PRKCZ: variants seen among roughly 807,000 people sequenced by gnomAD.
PRKCZ encodes the protein protein kinase C zeta, also known as protein kinase C zeta type.
In PRKCZ, 33 loss-of-function variants were observed where a neutral mutation model predicts 79.5. The ratio of observed to expected loss-of-function variants is 0.41; its 90% CI spans 0.31 to 0.55. PRKCZ has a LOEUF of 0.55. Ranked by LOEUF, PRKCZ falls within the 20% of genes least tolerant of loss-of-function variation. The pLI, the probability that PRKCZ is intolerant of heterozygous loss-of-function variation, is 0.19. For missense variants in PRKCZ, 578 were observed against 813.5 expected (o/e 0.71, Z 3.52); for synonymous variants, 342 against 320.9 (o/e 1.07, Z -0.70).
intron 10 of PRKCZ, among the ~76,000 whole-genome samples, chr1:2,164,600 C>G (rs1006071442): frequency 5.3e-5 from 8 of 152,230 alleles, no homozygotes; most frequent in African/African-American, 1.9e-4. Flanking sequence ...CAGCTTAGAT[C>G]CAGAATGGAT....
chr1:2,134,728 C>T lies in PRKCZ; in HGVS notation c.335-534C>T, dbSNP rs1675813504. On this transcript the variant is annotated intron_variant, in intron 4 of 17. Transcript: ENST00000378567. ...GGGGCCTCGCGCCGCTTGCGTCTGGCGAGTTGTTGAAGTGAAGTCAGTGGC... is the reference window on the plus strand; with the variant it reads ...GGGGCCTCGCGCCGCTTGCGTCTGGTGAGTTGTTGAAGTGAAGTCAGTGGC... 1.3e-5 allele frequency: 2 copies of T among 152,266 alleles called. 1 individual carries two copies. The highest frequency in any genetic ancestry group is 2.9e-5 in the Non-Finnish European group (2 of 68,090). 9.4% of individuals were successfully genotyped at this position (152,266 alleles called of 1,614,324 possible).
chr1:2,156,393 G>T, intron 10 of PRKCZ: 1 of 298,964 alleles, frequency 3.3e-6, no homozygotes, highest in Non-Finnish European at 6.6e-6. Flanking sequence ...GGATTTCTGT[G>T]CTTATTAAAA....
chr1:2,115,898 A>C (rs1670660421), intron 4 of PRKCZ, among the ~76,000 whole-genome samples: 1 of 152,070 alleles, frequency 6.6e-6, no homozygotes, highest in Admixed American at 6.5e-5. Flanking sequence ...CTTTTTGTGG[A>C]GGCTTCGTGA....
intron 5 of PRKCZ, among the ~76,000 whole-genome samples, chr1:2,136,412 GAAGACCTGGAC>G (rs1676208175): frequency 2.0e-5 from 3 of 152,198 alleles, no homozygotes; most frequent in African/African-American, 7.2e-5. Context: ...TCAGCACTAG[GAAGACCTGGAC>G]ATTGCCTGGA....
In PRKCZ at chr1:2,172,986, C is replaced by T. The variant is rs571933953; in HGVS notation, c.1285+598C>T. On this transcript the variant is annotated intron_variant, in intron 13 of 17. Coordinates refer to ENST00000378567, the MANE Select transcript of PRKCZ (RefSeq NM_002744.6). The surrounding 1 kb of genome is among the most constrained non-coding windows in gnomAD (Gnocchi z 7.8). ...CGTGTGTGCGTGTGTGAAACGGGGACGTGGGCACGCGTGTGCAGCCCTGTG... is the reference window on the plus strand; with the variant it reads ...CGTGTGTGCGTGTGTGAAACGGGGATGTGGGCACGCGTGTGCAGCCCTGTG... Among the ~76,000 whole-genome samples the T allele has an allele frequency of 2.0e-3, 303 of 150,788 alleles. 1 individual carries two copies. Among genetic ancestry groups the T allele is most frequent in the South Asian group, 6.5e-3 (31 of 4,750 alleles).
intron 4 of PRKCZ, among the ~76,000 whole-genome samples, chr1:2,113,933 G>C (rs3107143): frequency 0.63 from 95,081 of 151,386 alleles, 29,976 homozygotes; most frequent in African/African-American, 0.69. Flanking sequence ...GAGGGCGGGG[G>C]CCCAGCCCAC....
At chr1:2,091,630 C>G (rs979334854) in intron 4 of PRKCZ, among the ~76,000 whole-genome samples, 14 of 152,154 alleles carry the variant, frequency 9.2e-5, no homozygotes, top group African/African-American at 3.4e-4. Flanking sequence ...GCCTCTCACG[C>G]CTGTGGCCGC....
chr1:2,061,080 A>G (rs1660631367), intron 4 of PRKCZ, among the ~76,000 whole-genome samples: 1 of 152,146 alleles, frequency 6.6e-6, no homozygotes, highest in Non-Finnish European at 1.5e-5. Flanking sequence ...CTGCTGCTTT[A>G]TAGGAGGGGA....
At position 2,105,824 on chromosome 1, in the gene PRKCZ, C is replaced by T. The variant is rs184540340; in HGVS notation, c.335-29438C>T. ...GCTGTGGGTGATGACCAGGTGATGC[C>T]GGGAAGGTCACTTTCAGACACATAG... On this transcript the variant is annotated intron_variant, in intron 4 of 17. Transcript: ENST00000378567. Among the ~76,000 whole-genome samples the T allele has an allele frequency of 7.3e-3, 1,106 of 152,288 alleles. 10 individuals carry two copies. The highest frequency in any genetic ancestry group is 9.1e-3 in the Non-Finnish European group (622 of 68,028).
intron 5 of PRKCZ, among the ~76,000 whole-genome samples, chr1:2,137,785 G>A (rs1284464566): frequency 6.6e-6 from 1 of 152,100 alleles, no homozygotes; most frequent in East Asian, 1.9e-4. Flanking sequence ...CACCACCAGT[G>A]AGCAAAAGCT....
rs1005533854 is a variant in PRKCZ, at chr1:2,168,585, C to T, written c.975-933C>T. 6.6e-6 allele frequency among the ~76,000 whole-genome samples: 1 copy of T among 152,194 alleles called. No homozygotes were observed. Among genetic ancestry groups the T allele is most frequent in the Non-Finnish European group, 1.5e-5 (1 of 68,042 alleles). On this transcript the variant is annotated intron_variant, in intron 10 of 17. Coordinates refer to ENST00000378567, the MANE Select transcript of PRKCZ (RefSeq NM_002744.6). This position sits in a 1 kb window ranked among gnomAD's most constrained non-coding sequence, Gnocchi z 4.7. Reference sequence around the variant, plus strand: ...CTGTGTAAACTGGCCTCTGTCCTCTCTGGCTTAATTCTGGGAGCTTGTGGA... The same window carrying T: ...CTGTGTAAACTGGCCTCTGTCCTCTTTGGCTTAATTCTGGGAGCTTGTGGA...
chr1:2,078,580 G>A (rs1050419819), intron 4 of PRKCZ, among the ~76,000 whole-genome samples: 9 of 152,216 alleles, frequency 5.9e-5, no homozygotes, highest in East Asian at 1.9e-4. Flanking sequence ...GGAACCTTGC[G>A]ACATTTGGAT....
At chr1:2,144,556 G>A (rs1223928770) in intron 6 of PRKCZ, 1 of 1,399,286 alleles carries the variant, frequency 7.1e-7, no homozygotes, top group African/African-American at 1.5e-5. Context: ...TCTGCTCATT[G>A]GGGCATGAGG....
Position 2,126,188 on chromosome 1 carries a change from G to A in PRKCZ, c.335-9074G>A, listed in dbSNP as rs150653758. ...ACCAGAGACCCGGATGCCAAGGCCT[G>A]TCAGCTTCCTCAATGGGAAACTTTT... On this transcript the variant is annotated intron_variant, in intron 4 of 17. Coordinates refer to ENST00000378567, the MANE Select transcript of PRKCZ (RefSeq NM_002744.6). Among the ~76,000 whole-genome samples, 461 of 152,330 alleles carry A rather than the reference G, an allele frequency of 3.0e-3. 5 individuals carry two copies. The highest frequency in any genetic ancestry group is 0.01 in the African/African-American group (427 of 41,576).
chr1:2,102,603 A>G (rs908857324), intron 4 of PRKCZ, among the ~76,000 whole-genome samples: 1 of 152,144 alleles, frequency 6.6e-6, no homozygotes, highest in African/African-American at 2.4e-5. Flanking sequence ...AAGTGCTAGG[A>G]TTACAGGTGT....
intron 10 of PRKCZ, among the ~76,000 whole-genome samples, chr1:2,160,999 C>T (rs1211335542): frequency 6.6e-6 from 1 of 152,134 alleles, no homozygotes; most frequent in African/African-American, 2.4e-5. Flanking sequence ...CAGTGGGTGC[C>T]ACAGCAAGGA....
rs202100130 is a variant in PRKCZ at position 2,185,270 on chromosome 1, G to A, written c.*261G>A. On this transcript the variant is annotated 3_prime_UTR_variant, in exon 18 of 18. Transcript: ENST00000378567. ...GGCGGATCCGCGGGGACCCTGCCGA[G>A]GGGGCTGTCATGCGGTTTCCAAGGT... 3.8e-4 allele frequency: 274 copies of A among 716,204 alleles called. No individual in the cohort carries two copies. Among genetic ancestry groups the A allele is most frequent in the Non-Finnish European group, 2.7e-4 (104 of 383,756 alleles). 44.4% of individuals were successfully genotyped at this position (716,204 alleles called of 1,614,324 possible).
intron 16 of PRKCZ, among the ~76,000 whole-genome samples, chr1:2,180,882 C>A (rs1473668813): frequency 1.3e-5 from 2 of 152,142 alleles, no homozygotes; most frequent in Non-Finnish European, 2.9e-5. Flanking sequence ...GCAGGGTGGT[C>A]TCAGGGACCT....
chr1:2,124,267 A>G lies in PRKCZ; in HGVS notation c.335-10995A>G, dbSNP rs372016971. On this transcript the variant is annotated intron_variant, in intron 4 of 17. Coordinates refer to ENST00000378567, the MANE Select transcript of PRKCZ (RefSeq NM_002744.6). ...CGGTGGTGGTTAGGGTCATGGCGGT[A>G]GTTAGGGTCACGGCTGTAGTTAGCG... 2.5e-3 allele frequency among the ~76,000 whole-genome samples: 298 copies of G among 118,004 alleles called. 74 individuals are homozygous for G. The highest frequency in any genetic ancestry group is 4.0e-3 in the Non-Finnish European group (215 of 54,132). 77.4% of individuals were successfully genotyped at this position (118,004 alleles called of 152,430 possible). A position where few individuals can be genotyped will look rare whatever the true frequency, so the allele number is the denominator to read the frequency against.
Sources: gnomAD v4.1 joint callset for allele counts (sites outside exome capture counted in the v4.1 genomes callset) on GRCh38, gnomAD v4.1.1 for gene constraint, Gnocchi (gnomAD v3.1) non-coding constraint, MANE v1.5 for transcripts, NCBI Gene and HGNC (gene_info 2026-07-23, HGNC 2026-07-21) for gene names.